Variants in ACTR3C observed in about 807,000 individuals in gnomAD.
The protein encoded by ACTR3C is actin related protein 3C.
Under a neutral mutation model 26.3 loss-of-function variants are expected in ACTR3C, and 18 were observed. That is an observed-to-expected ratio of 0.68 (90% CI 0.47 to 1.01). The LOEUF (loss-of-function observed/expected upper bound fraction) is 1.01. ACTR3C is among the 50% of genes least tolerant of loss of function. The probability of loss-of-function intolerance (pLI) is 0.00; values close to 1 mark genes in which losing one functional copy is unlikely to be tolerated. For missense variants in ACTR3C, 184 were observed against 250.7 expected, an observed-to-expected ratio of 0.73 and a Z score of 1.80; for synonymous variants, 55 against 94.5, an observed-to-expected ratio of 0.58 and a Z score of 2.42.
the ACTR3C span, among the ~76,000 whole-genome samples, chr7:150,164,959 C>A: frequency 6.6e-6 from 1 of 152,152 alleles, no homozygotes; most frequent in Non-Finnish European, 1.5e-5. Flanking sequence ...CTCATTTAAC[C>A]CTCCTGGGGC....
At chr7:150,308,428 C>T (rs1459291210) in intron 1 of ACTR3C, among the ~76,000 whole-genome samples, 1 of 152,144 alleles carries the variant, frequency 6.6e-6, no homozygotes, top group Non-Finnish European at 1.5e-5. Flanking sequence ...TTTCTCCATC[C>T]CACAAGACCT....
At chr7:150,117,283 T>C in the ACTR3C span, among the ~76,000 whole-genome samples, 1 of 152,216 alleles carries the variant, frequency 6.6e-6, no homozygotes, top group African/African-American at 2.4e-5. Flanking sequence ...CAAGTGGTCT[T>C]GCTCAGCGGA....
intron 1 of ACTR3C, among the ~76,000 whole-genome samples, chr7:150,308,757 C>T (rs1233687236): frequency 3.9e-5 from 6 of 152,168 alleles, no homozygotes; most frequent in Non-Finnish European, 8.8e-5. Flanking sequence ...CTCAGTCTGG[C>T]TTACAGTTTC....
At chr7:150,280,806 G>C (rs1198932674) in intron 6 of ACTR3C, among the ~76,000 whole-genome samples, 1 of 146,190 alleles carries the variant, frequency 6.8e-6, no homozygotes, top group Admixed American at 6.6e-5. Flanking sequence ...TGATGTGTGT[G>C]TGTGTGTGTG....
chr7:149,900,263 C>T, the ACTR3C span, among the ~76,000 whole-genome samples: 1 of 152,058 alleles, frequency 6.6e-6, no homozygotes, highest in Non-Finnish European at 1.5e-5. Context: ...GCAACCTCCA[C>T]CTCCCGGGTT....
the ACTR3C span, among the ~76,000 whole-genome samples, chr7:150,113,628 G>A: frequency 1.3e-5 from 2 of 152,234 alleles, no homozygotes; most frequent in African/African-American, 4.8e-5. Context: ...AGAGTTCTTC[G>A]GTTTAATCAT....
chr7:150,105,166 T>G, the ACTR3C span, among the ~76,000 whole-genome samples: 1 of 150,956 alleles, frequency 6.6e-6, no homozygotes, highest in South Asian at 2.1e-4. Flanking sequence ...CACTGCAAGC[T>G]CTGCCTCCTG....
the ACTR3C span, among the ~76,000 whole-genome samples, chr7:149,967,082 T>C: frequency 8.3e-6 from 1 of 119,914 alleles, no homozygotes; most frequent in Non-Finnish European, 1.6e-5. Context: ...TCACCCAGGC[T>C]GGAGTGCAGT....
At chr7:149,892,298 G>A in the ACTR3C span, 10 of 1,583,316 alleles carry the variant, frequency 6.3e-6, no homozygotes, top group Admixed American at 3.4e-5. Context: ...TAGGTTTATC[G>A]ATGGCTTCAT....
chr7:150,323,486 G>T lies in ACTR3C; in HGVS notation c.-69C>A, dbSNP rs1797788200. 1 of 418,494 alleles carries T rather than the reference G, an allele frequency of 2.4e-6. No individual in the cohort carries two copies. The highest frequency in any genetic ancestry group is 4.7e-6 in the Non-Finnish European group (1 of 212,330). The allele number at this position is 418,494 out of a possible 1,614,324, so 25.9% of individuals were successfully genotyped here. A position where few individuals can be genotyped will look rare whatever the true frequency, so the allele number is the denominator to read the frequency against. On this transcript the variant is annotated 5_prime_UTR_variant, in exon 1 of 8. Coordinates refer to ENST00000683684, the MANE Select transcript of ACTR3C (RefSeq NM_001164458.2). ...GCTCTTACCTGCCGAGGAGGCGCCG[G>T]CTCTGCGGTGCGGAGTTGCGCCGGA...
chr7:149,947,717 A>G, the ACTR3C span, among the ~76,000 whole-genome samples: 1 of 139,758 alleles, frequency 7.2e-6, no homozygotes, highest in Non-Finnish European at 1.5e-5. Flanking sequence ...GTGTTCCTTC[A>G]CTGTAAAGGC....
chr7:150,134,281 T>C, the ACTR3C span, among the ~76,000 whole-genome samples: 20,263 of 100,530 alleles, frequency 0.2, 754 homozygotes, highest in Middle Eastern at 0.3. Context: ...AATTACTTCC[T>C]TCTCTGGAGC....
the ACTR3C span, among the ~76,000 whole-genome samples, chr7:150,082,947 C>CTTTTTTTTTTTTTTTTTTTTTT: frequency 4.6e-5 from 5 of 108,542 alleles, no homozygotes; most frequent in Admixed American, 2.2e-4. Flanking sequence ...TTTTTTTTTT[C>CTTTTTTTTTTTTTTTTTTTTTT]TTTTTTTTTT....
the ACTR3C span, among the ~76,000 whole-genome samples, chr7:150,206,055 T>C: frequency 2.6e-5 from 4 of 152,146 alleles, no homozygotes; most frequent in African/African-American, 9.7e-5. Flanking sequence ...TAAAGACAAA[T>C]TTCACATGAC....
At chr7:150,240,169 G>A (rs2533418), downstream of ACTR3C, among the ~76,000 whole-genome samples, 7 of 152,156 alleles carry the variant, frequency 4.6e-5, no homozygotes, top group Non-Finnish European at 1.0e-4. Flanking sequence ...TTTAGCATAT[G>A]AGTTATCTTT....
At chr7:150,114,604 A>G in the ACTR3C span, among the ~76,000 whole-genome samples, 2 of 152,246 alleles carry the variant, frequency 1.3e-5, no homozygotes, top group East Asian at 3.8e-4. Context: ...AGATTTATTT[A>G]AAGTGTGACA....
At chr7:150,069,752 T>A in the ACTR3C span, among the ~76,000 whole-genome samples, 5 of 152,178 alleles carry the variant, frequency 3.3e-5, no homozygotes, top group East Asian at 9.7e-4. Flanking sequence ...TTATGTTATT[T>A]TGTGTATTAA....
chr7:150,163,563 A>G, the ACTR3C span, among the ~76,000 whole-genome samples: 1 of 151,950 alleles, frequency 6.6e-6, no homozygotes, highest in African/African-American at 2.4e-5. Context: ...TAATACATAT[A>G]TATATGGAGA....
At chr7:150,038,816 T>A in the ACTR3C span, among the ~76,000 whole-genome samples, 29 of 123,808 alleles carry the variant, frequency 2.3e-4, no homozygotes, top group East Asian at 5.0e-4. Context: ...GCCTCCCCCC[T>A]CTGCGATGGG....
Sources: allele counts gnomAD v4.1 joint callset (sites outside exome capture counted in the v4.1 genomes callset), GRCh38; gene constraint gnomAD v4.1.1; transcripts MANE v1.5; gene names NCBI Gene and HGNC (gene_info 2026-07-23, HGNC 2026-07-21).